ABCA13: variants seen among roughly 807,000 people sequenced by gnomAD.
ABCA13 encodes ATP-binding cassette sub-family A member 13.
A neutral mutation model predicts 478.7 loss-of-function variants in ABCA13; 476 were observed. That is an observed-to-expected ratio of 0.99 (90% confidence interval 0.92 to 1.07). ABCA13 has a LOEUF of 1.07. ABCA13 is among the 50% of genes least tolerant of loss of function. The pLI, the probability that ABCA13 is intolerant of heterozygous loss-of-function variation, is 0.00. For synonymous variants in ABCA13, 2,252 were observed against 2,158.9 expected (o/e 1.04, Z -1.20); for missense variants, 6,060 against 5,910.6 (o/e 1.03, Z -0.83).
rs527952454 is a variant in ABCA13, at chr7:48,187,021, A to G, written c.70-5938A>G. ...TATGCATATATATATGTGTGTGTGT[A>G]TATATATATATATATCAGTGTATAC... On this transcript the variant is annotated intron_variant, in intron 1 of 61. Transcript: ENST00000435803. 8.7e-4 allele frequency among the ~76,000 whole-genome samples: 128 copies of G among 147,756 alleles called. 1 individual carries two copies. In the South Asian group the frequency reaches 0.019, roughly 22 times the overall value.
intron 27 of ABCA13, among the ~76,000 whole-genome samples, chr7:48,319,718 C>T (rs1279400857): frequency 1.3e-5 from 2 of 152,138 alleles, no homozygotes; most frequent in African/African-American, 2.4e-5. Context: ...TGGTAAGAAA[C>T]GTGTGTATGT....
chr7:48,273,052 CA>C lies in ABCA13; in HGVS notation c.3389del (p.Asn1130ThrfsTer40), dbSNP rs1486403144. ...GTTTTTCCATTGGCACAAATTTTTT[CA>C]AACCTCTCAGCAAATGTCAGTGTGT... The part of the protein sequence containing the change: ...SFVFPLAQIF[S>X]NLSANVSVFN... On this transcript the variant is annotated frameshift_variant, in exon 17 of 62. Coordinates refer to ENST00000435803, the MANE Select transcript of ABCA13 (RefSeq NM_152701.5). LOFTEE classifies it high-confidence loss of function. 3.1e-6 allele frequency: 5 copies of C among 1,613,458 alleles called. No individual in the cohort carries two copies. Among genetic ancestry groups the C allele is most frequent in the Non-Finnish European group, 4.2e-6 (5 of 1,179,710 alleles).
chr7:48,556,976 G>A (rs1043967771), intron 55 of ABCA13, among the ~76,000 whole-genome samples: 2 of 151,820 alleles, frequency 1.3e-5, no homozygotes, highest in South Asian at 4.1e-4. Flanking sequence ...ATTGATTTGA[G>A]TTACCGTGAA....
chr7:48,370,047 C>T (rs983193021), intron 32 of ABCA13, among the ~76,000 whole-genome samples: 11 of 151,896 alleles, frequency 7.2e-5, no homozygotes, highest in Admixed American at 1.3e-4. Context: ...CCTTTGTTTG[C>T]GTCATCTGTG....
chr7:48,355,370 GT>G (rs1809731379), intron 31 of ABCA13, among the ~76,000 whole-genome samples: 1 of 152,022 alleles, frequency 6.6e-6, no homozygotes, highest in East Asian at 1.9e-4. Context: ...TAGGGTATGT[GT>G]GAAGAGTCAC....
chr7:48,302,184 T>C (rs1800242308), intron 23 of ABCA13, among the ~76,000 whole-genome samples: 1 of 152,204 alleles, frequency 6.6e-6, no homozygotes, highest in Non-Finnish European at 1.5e-5. Context: ...TTGTTACAAA[T>C]TAATAGTTCT....
intron 15 of ABCA13, among the ~76,000 whole-genome samples, chr7:48,265,607 C>T (rs1794766906): frequency 6.6e-6 from 1 of 151,288 alleles, no homozygotes; most frequent in Non-Finnish European, 1.5e-5. Context: ...TATAAATATA[C>T]ATTTAATTTT....
At chr7:48,207,509 A>T (rs188193927) in intron 3 of ABCA13, among the ~76,000 whole-genome samples, 1 of 152,264 alleles carries the variant, frequency 6.6e-6, no homozygotes, top group African/African-American at 2.4e-5. Flanking sequence ...GGATGAGATC[A>T]TATCTCATTG....
intron 59 of ABCA13, among the ~76,000 whole-genome samples, chr7:48,638,142 G>A (rs899881624): frequency 6.6e-6 from 1 of 152,198 alleles, no homozygotes; most frequent in African/African-American, 2.4e-5. Flanking sequence ...CAGAGAGGAA[G>A]GCACTCGTTA....
At chr7:48,395,027 G>T (rs552567250) in intron 38 of ABCA13, among the ~76,000 whole-genome samples, 1 of 152,282 alleles carries the variant, frequency 6.6e-6, no homozygotes, top group South Asian at 2.1e-4. Context: ...TGCAGTGGGT[G>T]GGCTGCAATA....
chr7:48,252,050 T>C (rs1251436674), intron 15 of ABCA13, among the ~76,000 whole-genome samples: 2 of 152,188 alleles, frequency 1.3e-5, no homozygotes, highest in Admixed American at 1.3e-4. Flanking sequence ...CTTCTTGCAT[T>C]TGTATATCCA....
At position 48,552,358 on chromosome 7, in the gene ABCA13, G is replaced by A. The variant is rs542144790; in HGVS notation, c.14354+24013G>A. Among the ~76,000 whole-genome samples the A allele has an allele frequency of 6.5e-4, 99 of 151,760 alleles. 3 individuals are homozygous for A. Among genetic ancestry groups the A allele is most frequent in the Non-Finnish European group, 1.2e-3 (79 of 67,776 alleles). On this transcript the variant is annotated intron_variant, in intron 55 of 61. Coordinates refer to ENST00000435803, the MANE Select transcript of ABCA13 (RefSeq NM_152701.5). ...TCCTTTTCCACTGTTTATTTTTAGA[G>A]GATGTTGTTTTACTCATCTAAGAAA...
chr7:48,542,290 A>G lies in ABCA13; in HGVS notation c.14354+13945A>G, dbSNP rs75657058. Among the ~76,000 whole-genome samples, 101 of 151,936 alleles carry G rather than the reference A, an allele frequency of 6.6e-4. 3 individuals carry two copies. The highest frequency in any genetic ancestry group is 1.2e-3 in the Non-Finnish European group (81 of 67,768). Reference sequence around the variant, plus strand: ...AAGAAACAAGACTGTTTATCATACAAACATGACAAATACAACTCTTCATTT... The same window carrying G: ...AAGAAACAAGACTGTTTATCATACAGACATGACAAATACAACTCTTCATTT... On this transcript the variant is annotated intron_variant, in intron 55 of 61. Coordinates refer to ENST00000435803, the MANE Select transcript of ABCA13 (RefSeq NM_152701.5).
chr7:48,219,573 A>T, intron 4 of ABCA13, 68 bp downstream of exon 4: 35 of 1,531,910 alleles, frequency 2.3e-5, no homozygotes, highest in Non-Finnish European at 3.1e-5. Flanking sequence ...TGTGGAGGCT[A>T]TGAGAACCCA....
chr7:48,596,109 A>G (rs1464502466), intron 58 of ABCA13, among the ~76,000 whole-genome samples: 4 of 152,276 alleles, frequency 2.6e-5, no homozygotes, highest in African/African-American at 4.8e-5. Context: ...CCTATTACAC[A>G]TAAATCTTAC....
In ABCA13 at chr7:48,274,568, G is replaced by A; in HGVS notation, c.4902G>A (p.Leu1634=). The A allele has an allele frequency of 2.5e-6, 4 of 1,613,892 alleles. No individual in the cohort carries two copies. The highest frequency in any genetic ancestry group is 8.5e-7 in the Non-Finnish European group (1 of 1,179,848). Reference sequence around the variant, plus strand: ...AAGCTACAGGTCTTGGTATTCAACTGATAAGGGATGTGTTCAACTCCTTAA... The same window carrying A: ...AAGCTACAGGTCTTGGTATTCAACTAATAAGGGATGTGTTCAACTCCTTAA... The part of the protein sequence containing the change: ...IMKATGLGIQ[L]IRDVFNSLMP... Residue 1634 remains leucine (L), a synonymous_variant, in exon 17 of 62, where the codon CTG becomes CTA. Transcript: ENST00000435803.
chr7:48,608,567 C>G lies in ABCA13; in HGVS notation c.14745-6718C>G, dbSNP rs528968273. Among the ~76,000 whole-genome samples, 3 of 152,348 alleles carry G rather than the reference C, an allele frequency of 2.0e-5. No homozygotes were observed. The South Asian group carries it at 6.2e-4, about 32-fold the overall frequency. Reference sequence around the variant, plus strand: ...TGGCTTTTTCTGTTTGTTTGGCTCCCAAATAATCAGGTATATCAACAGTGT... The same window carrying G: ...TGGCTTTTTCTGTTTGTTTGGCTCCGAAATAATCAGGTATATCAACAGTGT... On this transcript the variant is annotated intron_variant, in intron 58 of 61. Transcript: ENST00000435803.
intron 48 of ABCA13, among the ~76,000 whole-genome samples, chr7:48,503,337 T>A (rs1830921733): frequency 6.6e-6 from 1 of 152,132 alleles, no homozygotes; most frequent in Non-Finnish European, 1.5e-5. Context: ...CAATCTTCCT[T>A]CCTTGGCCTC....
rs1369394920 is a variant in ABCA13 at position 48,273,478 on chromosome 7, C to T, written c.3812C>T (p.Pro1271Leu). The change falls in exon 17 of 62, where the codon CCA becomes CTA. Residue 1271 changes from proline (P) to leucine (L), a missense_variant. Pro to Leu is a moderately conservative substitution (Grantham distance 98, BLOSUM62 -3). Around this residue, in one of 3 missense-constraint regions of ABCA13, gnomAD observed 4,423 missense variants for 4,309.1 expected, o/e 1.03. Transcript: ENST00000435803. Reference sequence around the variant, plus strand: ...GCCCTGCATCAGTTGAAGACATTTCCATTCAACGAAAGTACAAGCAGAGAG... The same window carrying T: ...GCCCTGCATCAGTTGAAGACATTTCTATTCAACGAAAGTACAAGCAGAGAG... ...EAALHQLKTF[P>L]FNESTSREFL... 6.2e-7 allele frequency: 1 copy of T among 1,607,758 alleles called. No individual in the cohort carries two copies. Among genetic ancestry groups the T allele is most frequent in the Non-Finnish European group, 8.5e-7 (1 of 1,176,482 alleles).
Sources: allele counts gnomAD v4.1 joint callset (sites outside exome capture counted in the v4.1 genomes callset), GRCh38; gene constraint gnomAD v4.1.1; regional missense constraint gnomAD v4.1.1; transcripts MANE v1.5; gene names NCBI Gene and HGNC (gene_info 2026-07-23, HGNC 2026-07-21).